The following PTK7 variants were observed in gnomAD, a reference collection of about 807,000 sequenced individuals.
PTK7 encodes protein tyrosine kinase 7 (inactive), also known as inactive tyrosine-protein kinase 7.
PTK7 carries 39 observed loss-of-function variants against 116.6 expected under a neutral mutation model. The observed-to-expected ratio is 0.33, with a 90% CI of 0.26 to 0.44. The LOEUF (loss-of-function observed/expected upper bound fraction) is 0.44. Among genes scored for constraint, PTK7 ranks in the 20% least tolerant of loss-of-function variants. PTK7 has a pLI of 1.00. For synonymous variants in PTK7, 546 were observed against 563.6 expected, an observed-to-expected ratio of 0.97 and a Z score of 0.44; for missense variants, 1,169 against 1,425.6, an observed-to-expected ratio of 0.82 and a Z score of 2.90.
intron 7 of PTK7, chr6:43,133,821 A>G (rs1371576063): frequency 2.0e-5 from 3 of 152,210 alleles, no homozygotes; most frequent in Non-Finnish European, 4.4e-5. Flanking sequence ...TGAATATGAA[A>G]GTGGCTTTGT....
chr6:43,097,386 TTTGTCC>T (rs1285337629), intron 1 of PTK7, among the ~76,000 whole-genome samples: 3 of 152,250 alleles, frequency 2.0e-5, no homozygotes, highest in Admixed American at 6.5e-5. Context: ...TGTACCTGTC[TTTGTCC>T]TTGTGCTTGT....
chr6:43,128,060 T>A lies in PTK7; in HGVS notation c.80-917T>A, dbSNP rs370663536. Among the ~76,000 whole-genome samples, 26 of 152,358 alleles carry A rather than the reference T, an allele frequency of 1.7e-4. No homozygotes were observed. In the East Asian group the frequency reaches 3.1e-3, roughly 18 times the overall value. On this transcript the variant is annotated intron_variant, in intron 1 of 19. Coordinates refer to ENST00000230419, the MANE Select transcript of PTK7 (RefSeq NM_002821.5). ...AAGAAGCGTCTGGGAAACGTTGGGCTGCAGAGCATTTGCGGATGAGATTCA... is the reference window on the plus strand; with the variant it reads ...AAGAAGCGTCTGGGAAACGTTGGGCAGCAGAGCATTTGCGGATGAGATTCA...
intron 1 of PTK7, among the ~76,000 whole-genome samples, chr6:43,093,292 C>A (rs1045110410): frequency 2.0e-5 from 3 of 147,640 alleles, no homozygotes; most frequent in Non-Finnish European, 3.0e-5. Context: ...CAGGTTCAAG[C>A]GATTCTCCTG....
intron 17 of PTK7, among the ~76,000 whole-genome samples, chr6:43,152,418 A>G (rs1349514095): frequency 1.3e-5 from 2 of 152,210 alleles, no homozygotes; most frequent in African/African-American, 4.8e-5. Context: ...TAGTCCTGCT[A>G]CTTGGGAGGC....
chr6:43,101,551 C>CA lies in PTK7; in HGVS notation c.79+24995dup, dbSNP rs1164905698. Among the ~76,000 whole-genome samples the CA allele has an allele frequency of 2.3e-3, 261 of 111,268 alleles. 2 individuals are homozygous for CA. Among genetic ancestry groups the CA allele is most frequent in the Admixed American group, 4.2e-3 (44 of 10,450 alleles). 73.0% of individuals were successfully genotyped at this position (111,268 alleles called of 152,430 possible). A position where few individuals can be genotyped will look rare whatever the true frequency, so the allele number is the denominator to read the frequency against. ...TGGGTCACAGAGCAAGACTCCGTCT[C>CA]AAAAAAAAAAATAAAAAAAAAAAGA... is the stretch of plus-strand genomic sequence containing the variant. On this transcript the variant is annotated intron_variant, in intron 1 of 19. Coordinates refer to ENST00000230419, the MANE Select transcript of PTK7 (RefSeq NM_002821.5).
intron 7 of PTK7, among the ~76,000 whole-genome samples, chr6:43,137,628 A>C (rs573366441): frequency 6.6e-6 from 1 of 152,312 alleles, no homozygotes; most frequent in African/African-American, 2.4e-5. Context: ...AAGGTTGTGG[A>C]CTGGATGAGT....
chr6:43,150,697 C>T (rs906089551), intron 17 of PTK7, among the ~76,000 whole-genome samples: 7 of 151,282 alleles, frequency 4.6e-5, no homozygotes, highest in African/African-American at 1.7e-4. Context: ...TTATGATGGC[C>T]ACTGAAGCAG....
At chr6:43,146,155 C>G (rs907325405) in intron 16 of PTK7, 6 of 154,888 alleles carry the variant, frequency 3.9e-5, no homozygotes, top group African/African-American at 1.4e-4. Context: ...TAGCAAGACT[C>G]TGTCTCTACA....
rs778587586 is a variant in PTK7 at position 43,130,340 on chromosome 6, A to G, written c.581A>G (p.His194Arg). 1.2e-6 allele frequency: 2 copies of G among 1,612,950 alleles called. No homozygotes were observed. Among genetic ancestry groups the G allele is most frequent in the East Asian group, 2.2e-5 (1 of 44,870 alleles). ...ACGCTCCGGCCAGCTGGTCCTGAGCATAGTGGGCTGTATTCCTGCTGCGCC... is the reference window on the plus strand; with the variant it reads ...ACGCTCCGGCCAGCTGGTCCTGAGCGTAGTGGGCTGTATTCCTGCTGCGCC... The part of the protein sequence containing the change: ...NLTLRPAGPE[H>R]SGLYSCCAHS... Residue 194 changes from histidine (H) to arginine (R), a missense_variant, in exon 4 of 20, where the codon CAT becomes CGT. Transcript: ENST00000230419.
chr6:43,113,919 CT>C (rs1199785198), intron 1 of PTK7, among the ~76,000 whole-genome samples: 1 of 152,182 alleles, frequency 6.6e-6, no homozygotes, highest in Admixed American at 6.5e-5. Context: ...GCCTCCGCCC[CT>C]CTCTTTAACT....
chr6:43,119,303 G>A (rs1191357097), intron 1 of PTK7, among the ~76,000 whole-genome samples: 3 of 152,110 alleles, frequency 2.0e-5, no homozygotes, highest in African/African-American at 7.2e-5. Context: ...AAAAAGGCTC[G>A]TAAATTGGAA....
At chr6:43,116,647 T>TGCGC (rs1417461604) in intron 1 of PTK7, among the ~76,000 whole-genome samples, 111 of 74,330 alleles carry the variant, frequency 1.5e-3, no homozygotes, top group African/African-American at 6.7e-3. Context: ...TGTGTGTGTG[T>TGCGC]GTGTGCGCGC....
At chr6:43,135,168 A>G (rs1769951700) in intron 7 of PTK7, among the ~76,000 whole-genome samples, 1 of 152,208 alleles carries the variant, frequency 6.6e-6, no homozygotes, top group Non-Finnish European at 1.5e-5. Context: ...ACACTGAGCC[A>G]TGCCAGTGTC....
At position 43,139,518 on chromosome 6, in the gene PTK7, A is replaced by G. The variant is rs1309082202; in HGVS notation, c.1611A>G (p.Glu537=). 2 of 1,614,010 alleles carry G rather than the reference A, an allele frequency of 1.2e-6. No homozygotes were observed. Among genetic ancestry groups the G allele is most frequent in the Non-Finnish European group, 1.7e-6 (2 of 1,180,012 alleles). Residue 537 remains glutamate (E), a synonymous_variant, in exon 10 of 20, where the codon GAA becomes GAG. Transcript: ENST00000230419. The surrounding 1 kb of genome is among the most constrained non-coding windows in gnomAD (Gnocchi z 4.6). ...GAGAGAAGCCCACTATTAAGTGGGA[A>G]CGGGCAGGTGGGTACAGTGCCGGCA... ...TGREKPTIKW[E]RADGSSLPEW...
At chr6:43,093,017 A>G (rs1031018819) in intron 1 of PTK7, among the ~76,000 whole-genome samples, 5 of 152,170 alleles carry the variant, frequency 3.3e-5, no homozygotes, top group Non-Finnish European at 4.4e-5. Flanking sequence ...ATAAAGCATC[A>G]TGCTAAGTAT....
rs1644553792 is a variant in PTK7 at position 43,130,272 on chromosome 6, T to G, written c.513T>G (p.Asp171Glu). 6.2e-7 allele frequency: 1 copy of G among 1,603,502 alleles called. No individual in the cohort carries two copies. The highest frequency in any genetic ancestry group is 1.7e-5 in the Admixed American group (1 of 59,232). The change falls in exon 4 of 20, where the codon GAT becomes GAG. Residue 171 changes from aspartate (D) to glutamate (E), a missense_variant. Asp to Glu is a conservative substitution (Grantham distance 45, BLOSUM62 2). Transcript: ENST00000230419. ...QWFRDGTPLS[D>E]GQSNHTVSSK... Reference sequence around the variant, plus strand: ...TCCGAGATGGGACCCCCCTTTCTGATGGTCAGAGCAACCACACAGTCAGCA... The same window carrying G: ...TCCGAGATGGGACCCCCCTTTCTGAGGGTCAGAGCAACCACACAGTCAGCA...
chr6:43,091,154 CTTTTTTTTT>C (rs35002545), intron 1 of PTK7, among the ~76,000 whole-genome samples: 3 of 133,080 alleles, frequency 2.3e-5, no homozygotes, highest in Admixed American at 7.8e-5. Flanking sequence ...TCGGTTTCCT[CTTTTTTTTT>C]TTTTTTTTTG....
intron 1 of PTK7, among the ~76,000 whole-genome samples, chr6:43,102,380 G>A (rs908920859): frequency 1.7e-4 from 26 of 152,076 alleles, no homozygotes; most frequent in African/African-American, 5.6e-4. Context: ...AGCCAAGGCC[G>A]TGCCACTGCA....
At chr6:43,125,065 G>A (rs1217389355) in intron 1 of PTK7, among the ~76,000 whole-genome samples, 6 of 152,152 alleles carry the variant, frequency 3.9e-5, no homozygotes, top group Admixed American at 3.9e-4. Flanking sequence ...CCAGCTAGTT[G>A]GGAGGCTGAG....
Sources: gnomAD v4.1 joint callset for allele counts (sites outside exome capture counted in the v4.1 genomes callset) on GRCh38, gnomAD v4.1.1 for gene constraint, Gnocchi (gnomAD v3.1) non-coding constraint, MANE v1.5 for transcripts, NCBI Gene and HGNC (gene_info 2026-07-23, HGNC 2026-07-21) for gene names.